The following PARD6B variants were observed in gnomAD, a reference collection of about 807,000 sequenced individuals.
PARD6B encodes partitioning defective 6 homolog beta.
Under a neutral mutation model 10.5 loss-of-function variants are expected in PARD6B, and 4 were observed. The observed-to-expected ratio is 0.38, with a 90% CI of 0.19 to 0.87. The LOEUF (loss-of-function observed/expected upper bound fraction) is 0.87. Ranked by LOEUF, PARD6B falls within the 40% of genes least tolerant of loss-of-function variation. The pLI is 0.41. For missense variants in PARD6B, 396 were observed against 470.6 expected, an observed-to-expected ratio of 0.84 and a Z score of 1.47; for synonymous variants, 169 against 170.4, an observed-to-expected ratio of 0.99 and a Z score of 0.07.
At chr20:50,734,434 C>T (rs2087488782) in intron 1 of PARD6B, among the ~76,000 whole-genome samples, 1 of 152,056 alleles carries the variant, frequency 6.6e-6, no homozygotes, top group South Asian at 2.1e-4. Flanking sequence ...GCAGCCTCAA[C>T]CTCCTGAGCT....
At chr20:50,734,066 G>A (rs1207964332) in intron 1 of PARD6B, among the ~76,000 whole-genome samples, 1 of 152,200 alleles carries the variant, frequency 6.6e-6, no homozygotes, top group African/African-American at 2.4e-5. Flanking sequence ...CTGATTCTAG[G>A]AACATGTGCT....
chr20:50,745,717 G>T (rs1307000285), intron 2 of PARD6B, among the ~76,000 whole-genome samples: 1 of 152,124 alleles, frequency 6.6e-6, no homozygotes, highest in Non-Finnish European at 1.5e-5. Context: ...ATGTTACCCA[G>T]GCTGGTCTTA....
chr20:50,732,141 T>C (rs2087475026), intron 1 of PARD6B, among the ~76,000 whole-genome samples: 1 of 152,196 alleles, frequency 6.6e-6, no homozygotes, highest in African/African-American at 2.4e-5. Context: ...GGCCAAGGTA[T>C]ATCCAAGGAT....
chr20:50,744,649 C>T (rs976203448), intron 2 of PARD6B, among the ~76,000 whole-genome samples: 1 of 151,940 alleles, frequency 6.6e-6, no homozygotes. Context: ...CCCTCCCTCC[C>T]TCCCTCCTGC....
chr20:50,732,553 CAGTG>C (rs999112305), intron 1 of PARD6B, among the ~76,000 whole-genome samples: 1 of 152,266 alleles, frequency 6.6e-6, no homozygotes, highest in Admixed American at 6.5e-5. Context: ...TCTCAAGGCT[CAGTG>C]AGCAGGGTAG....
rs540104018 is a variant in PARD6B at position 50,751,747 on chromosome 20, G to C, written c.*1259G>C. 1.1e-4 allele frequency: 97 copies of C among 914,672 alleles called. No homozygotes were observed. In the African/African-American group the frequency reaches 1.9e-3, roughly 18 times the overall value. The allele number at this position is 914,672 out of a possible 1,614,324, so 56.7% of individuals were successfully genotyped here. A position where few individuals can be genotyped will look rare whatever the true frequency, so the allele number is the denominator to read the frequency against. On this transcript the variant is annotated 3_prime_UTR_variant, in exon 3 of 3. Transcript: ENST00000371610. The stretch of plus-strand genomic sequence containing the variant: ...GCTTTTTTTTTTTTTTTTTGAGACA[G>C]AGTCTCTGTCACCCAGGCTGGAGTG...
chr20:50,751,460 A>G lies in PARD6B; in HGVS notation c.*972A>G, dbSNP rs2087609554. 1.4e-6 allele frequency: 1 copy of G among 737,520 alleles called. No individual in the cohort carries two copies. Among genetic ancestry groups the G allele is most frequent in the Admixed American group, 8.2e-5 (1 of 12,216 alleles). 45.7% of individuals were successfully genotyped at this position (737,520 alleles called of 1,614,324 possible). A position where few individuals can be genotyped will look rare whatever the true frequency, so the allele number is the denominator to read the frequency against. On this transcript the variant is annotated 3_prime_UTR_variant, in exon 3 of 3. Coordinates refer to ENST00000371610, the MANE Select transcript of PARD6B (RefSeq NM_032521.3). ...AAGCTCTACCTCCTGGGTTCACACCATTCTCCTGCCTCAGCCTCCCAAGTA... is the reference window on the plus strand; with the variant it reads ...AAGCTCTACCTCCTGGGTTCACACCGTTCTCCTGCCTCAGCCTCCCAAGTA...
rs894260250 is a variant in PARD6B at position 50,743,715 on chromosome 20, T to C, written c.289+5636T>C. 3.7e-4 allele frequency among the ~76,000 whole-genome samples: 56 copies of C among 151,876 alleles called. 1 individual carries two copies. The highest frequency in any genetic ancestry group is 5.4e-4 in the Non-Finnish European group (37 of 67,920). On this transcript the variant is annotated intron_variant, in intron 2 of 2. Coordinates refer to ENST00000371610, the MANE Select transcript of PARD6B (RefSeq NM_032521.3). ...CATCCTGGCTAGCATGGTGAAACCG[T>C]GTCTCTACTAAAAATACAAAAAAAT...
intron 2 of PARD6B, among the ~76,000 whole-genome samples, chr20:50,744,539 C>G (rs2087554193): frequency 6.6e-6 from 1 of 152,122 alleles, no homozygotes; most frequent in Non-Finnish European, 1.5e-5. Flanking sequence ...ATTTTCTTCC[C>G]TTTGCCCTTA....
chr20:50,747,485 C>CTTT (rs2087574374), intron 2 of PARD6B, among the ~76,000 whole-genome samples: 8 of 35,932 alleles, frequency 2.2e-4, no homozygotes, highest in East Asian at 8.7e-4. Flanking sequence ...TTTTTTCTTT[C>CTTT]TTTCTTTTTT....
intron 1 of PARD6B, among the ~76,000 whole-genome samples, chr20:50,733,100 G>A (rs2087481145): frequency 6.6e-6 from 1 of 152,246 alleles, no homozygotes; most frequent in Middle Eastern, 3.4e-3. Context: ...CGAGAAAATC[G>A]ACATTCGTTT....
At chr20:50,749,145 C>T (rs1010363922) in intron 2 of PARD6B, among the ~76,000 whole-genome samples, 1 of 152,094 alleles carries the variant, frequency 6.6e-6, no homozygotes, top group Non-Finnish European at 1.5e-5. Context: ...AAATCGAGAC[C>T]ATCCTGGCTA....
At chr20:50,746,028 T>C (rs1459284386) in intron 2 of PARD6B, among the ~76,000 whole-genome samples, 1 of 152,216 alleles carries the variant, frequency 6.6e-6, no homozygotes, top group African/African-American at 2.4e-5. Flanking sequence ...GTTGCTGTTT[T>C]GTTACTGTAT....
chr20:50,750,731 T>G lies in PARD6B; in HGVS notation c.*243T>G, dbSNP rs906666406. The G allele has an allele frequency of 7.8e-7, 1 of 1,276,566 alleles. No individual in the cohort carries two copies. Among genetic ancestry groups the G allele is most frequent in the Non-Finnish European group, 9.9e-7 (1 of 1,008,830 alleles). The allele number at this position is 1,276,566 out of a possible 1,614,324, so 79.1% of individuals were successfully genotyped here. On this transcript the variant is annotated 3_prime_UTR_variant, in exon 3 of 3. Coordinates refer to ENST00000371610, the MANE Select transcript of PARD6B (RefSeq NM_032521.3). ...TGATGAAGTTACGTGCTTTTGCTGT[T>G]TTGTCTGTGGAGAATCAGATGTTAA...
At position 50,750,718 on chromosome 20, in the gene PARD6B, G is replaced by T; in HGVS notation, c.*230G>T. Reference sequence around the variant, plus strand: ...AAGGGGCCTTTGCTGATGAAGTTACGTGCTTTTGCTGTTTTGTCTGTGGAG... The same window carrying T: ...AAGGGGCCTTTGCTGATGAAGTTACTTGCTTTTGCTGTTTTGTCTGTGGAG... On this transcript the variant is annotated 3_prime_UTR_variant, in exon 3 of 3. Transcript: ENST00000371610. 7.7e-7 allele frequency: 1 copy of T among 1,303,494 alleles called. No individual in the cohort carries two copies. Among genetic ancestry groups the T allele is most frequent in the Non-Finnish European group, 9.8e-7 (1 of 1,025,102 alleles). 80.7% of individuals were successfully genotyped at this position (1,303,494 alleles called of 1,614,324 possible).
chr20:50,753,010 T>A lies in PARD6B; in HGVS notation c.*2522T>A. 2.0e-6 allele frequency: 2 copies of A among 983,366 alleles called. No individual in the cohort carries two copies. Among genetic ancestry groups the A allele is most frequent in the Non-Finnish European group, 2.4e-6 (2 of 827,742 alleles). The allele number at this position is 983,366 out of a possible 1,614,324, so 60.9% of individuals were successfully genotyped here. On this transcript the variant is annotated 3_prime_UTR_variant, in exon 3 of 3. Transcript: ENST00000371610. ...TAGTATGTAGAAGGTTAACTTTCAT[T>A]TATAATATAAGTGGTGCAGGGGTTC...
chr20:50,751,187 C>A lies in PARD6B; in HGVS notation c.*699C>A. On this transcript the variant is annotated 3_prime_UTR_variant, in exon 3 of 3. Coordinates refer to ENST00000371610, the MANE Select transcript of PARD6B (RefSeq NM_032521.3). ...GTTTCGCCATGTTGCCCAAGTTGGTCTTGAACTCCTGGGCTTAAGCAGTCC... is the reference window on the plus strand; with the variant it reads ...GTTTCGCCATGTTGCCCAAGTTGGTATTGAACTCCTGGGCTTAAGCAGTCC... The A allele has an allele frequency of 1.2e-6, 1 of 844,636 alleles. No individual in the cohort carries two copies. Among genetic ancestry groups the A allele is most frequent in the African/African-American group, 1.9e-5 (1 of 53,950 alleles). The allele number at this position is 844,636 out of a possible 1,614,324, so 52.3% of individuals were successfully genotyped here. A position where few individuals can be genotyped will look rare whatever the true frequency, so the allele number is the denominator to read the frequency against.
At chr20:50,748,343 CA>C (rs1203484557) in intron 2 of PARD6B, among the ~76,000 whole-genome samples, 1 of 152,216 alleles carries the variant, frequency 6.6e-6, no homozygotes, top group African/African-American at 2.4e-5. Flanking sequence ...GACTCCGTCT[CA>C]AACAATAGCA....
chr20:50,747,565 T>C (rs1421514591), intron 2 of PARD6B, among the ~76,000 whole-genome samples: 2 of 150,752 alleles, frequency 1.3e-5, no homozygotes, highest in African/African-American at 4.9e-5. Flanking sequence ...TTGTGTTTTT[T>C]TTTTAATTCA....
Sources: allele counts gnomAD v4.1 joint callset (sites outside exome capture counted in the v4.1 genomes callset), GRCh38; gene constraint gnomAD v4.1.1; transcripts MANE v1.5; gene names NCBI Gene and HGNC (gene_info 2026-07-23, HGNC 2026-07-21).